STX1A: variants seen among roughly 807,000 people sequenced by gnomAD.
The protein encoded by STX1A is syntaxin-1A.
In STX1A, 4 loss-of-function variants were observed where a neutral mutation model predicts 37.8. The ratio of observed to expected loss-of-function variants is 0.11; its 90% CI spans 0.05 to 0.24. The LOEUF (loss-of-function observed/expected upper bound fraction) is 0.24, where lower values mean the gene tolerates loss of function less well. STX1A is among the 10% of genes least tolerant of loss of function. The pLI is 1.00. For synonymous variants in STX1A, 135 were observed against 147.4 expected (o/e 0.92, Z 0.61); for missense variants, 251 against 399.9 (o/e 0.63, Z 3.18).
chr7:73,717,834 C>T lies in STX1A; in HGVS notation c.30+1768G>A, dbSNP rs1463731584. On this transcript the variant is annotated intron_variant, in intron 1 of 9. Coordinates refer to ENST00000222812, the MANE Select transcript of STX1A (RefSeq NM_004603.4). This position sits in a 1 kb window ranked among gnomAD's most constrained non-coding sequence, Gnocchi z 4.1. ...CGCTTCACAACCCCAGCTCCACTGG[C>T]TGTCCCCCAGTGTCAGCCAGGCCTG... Among the ~76,000 whole-genome samples the T allele has an allele frequency of 6.6e-6, 1 of 152,200 alleles. No homozygotes were observed. Among genetic ancestry groups the T allele is most frequent in the Non-Finnish European group, 1.5e-5 (1 of 68,022 alleles).
chr7:73,700,104 A>C lies in STX1A; in HGVS notation c.*303T>G. 1 of 466,354 alleles carries C rather than the reference A, an allele frequency of 2.1e-6. No homozygotes were observed. Among genetic ancestry groups the C allele is most frequent in the Non-Finnish European group, 3.9e-6 (1 of 255,382 alleles). 28.9% of individuals were successfully genotyped at this position (466,354 alleles called of 1,614,324 possible). A position where few individuals can be genotyped will look rare whatever the true frequency, so the allele number is the denominator to read the frequency against. On this transcript the variant is annotated 3_prime_UTR_variant, in exon 10 of 10. Coordinates refer to ENST00000222812, the MANE Select transcript of STX1A (RefSeq NM_004603.4). This position sits in a 1 kb window ranked among gnomAD's most constrained non-coding sequence, Gnocchi z 4.4. ...TGGGCCCACCGAGTTACTGAAGGCA[A>C]GGAAGGGTGGCCTGTGTCACCCTGG... is the stretch of plus-strand genomic sequence containing the variant.
intron 1 of STX1A, chr7:73,711,316 T>C (rs1554617890): frequency 6.5e-6 from 1 of 152,906 alleles, no homozygotes; most frequent in Non-Finnish European, 1.5e-5. Flanking sequence ...GGCCTGAGCA[T>C]GTTCTGTGAG....
intron 3 of STX1A, among the ~76,000 whole-genome samples, chr7:73,707,974 A>C (rs1798938343): frequency 6.7e-6 from 1 of 150,070 alleles, no homozygotes; most frequent in African/African-American, 2.5e-5. Flanking sequence ...AAAAGGAAAA[A>C]AGCCAGTTCG....
At chr7:73,719,415 C>T (rs1350059735) in intron 1 of STX1A, among the ~76,000 whole-genome samples, 187 bp downstream of exon 1, 1 of 152,194 alleles carries the variant, frequency 6.6e-6, no homozygotes, top group Non-Finnish European at 1.5e-5. Flanking sequence ...GCGAGCCTGA[C>T]CCCGAGTGGG....
intron 2 of STX1A, 57 bp from the exon 3 acceptor site, chr7:73,708,745 G>A (rs1262496413): frequency 1.3e-6 from 2 of 1,558,924 alleles, no homozygotes; most frequent in Non-Finnish European, 8.8e-7. Flanking sequence ...GCCTTCTGGG[G>A]CCCAGAGATG....
chr7:73,708,592 C>T lies in STX1A; in HGVS notation c.205G>A (p.Glu69Lys), dbSNP rs782665420. 2.5e-6 allele frequency: 4 copies of T among 1,613,648 alleles called. No homozygotes were observed. The highest frequency in any genetic ancestry group is 1.7e-6 in the Non-Finnish European group (2 of 1,179,748). The part of the protein sequence containing the change: ...SAILASPNPD[E>K]KTKEELEELM... Reference sequence around the variant, plus strand: ...GTCCCCCGCCCCACACACTCACTCTCATCGGGGTTGGGGGATGCCAGGATG... The same window carrying T: ...GTCCCCCGCCCCACACACTCACTCTTATCGGGGTTGGGGGATGCCAGGATG... The change falls in exon 3 of 10, where the codon GAG becomes AAG. Residue 69 changes from glutamate to lysine, a missense_variant. Around this residue, in one of 2 missense-constraint regions of STX1A, gnomAD observed 214 missense variants for 367.6 expected, o/e 0.58. Coordinates refer to ENST00000222812, the MANE Select transcript of STX1A (RefSeq NM_004603.4).
chr7:73,708,617 G>A lies in STX1A; in HGVS notation c.180C>T (p.Ala60=). The stretch of plus-strand genomic sequence containing the variant: ...CATCGGGGTTGGGGGATGCCAGGAT[G>A]GCACTGTGCTTCCGCTTCACCTCCT... ...NVEEVKRKHS[A]ILASPNPDEK... Residue 60 remains alanine, a synonymous_variant, in exon 3 of 10, where the codon GCC becomes GCT. Coordinates refer to ENST00000222812, the MANE Select transcript of STX1A (RefSeq NM_004603.4). 6.2e-7 allele frequency: 1 copy of A among 1,614,132 alleles called. No homozygotes were observed. The highest frequency in any genetic ancestry group is 8.5e-7 in the Non-Finnish European group (1 of 1,180,004).
In STX1A at chr7:73,700,196, C is replaced by T; in HGVS notation, c.*211G>A. Reference sequence around the variant, plus strand: ...ACGCCCCGCTGGCTGCCTCCCTCTGCCTCTTCCCGTACAGACGCACACTCA... The same window carrying T: ...ACGCCCCGCTGGCTGCCTCCCTCTGTCTCTTCCCGTACAGACGCACACTCA... On this transcript the variant is annotated 3_prime_UTR_variant, in exon 10 of 10. Coordinates refer to ENST00000222812, the MANE Select transcript of STX1A (RefSeq NM_004603.4). The surrounding 1 kb of genome is among the most constrained non-coding windows in gnomAD (Gnocchi z 4.4). 3.3e-6 allele frequency: 2 copies of T among 610,402 alleles called. No homozygotes were observed. Among genetic ancestry groups the T allele is most frequent in the Non-Finnish European group, 5.8e-6 (2 of 343,668 alleles). 37.8% of individuals were successfully genotyped at this position (610,402 alleles called of 1,614,324 possible).
intron 5 of STX1A, 22 bp from the exon 6 acceptor site, chr7:73,704,278 G>A (rs1563570345): frequency 3.7e-5 from 60 of 1,613,798 alleles, no homozygotes; most frequent in Non-Finnish European, 5.0e-5. Context: ...AGATGGAGGT[G>A]CAGGGGTCAG....
In STX1A at chr7:73,714,829, A is replaced by C. The variant is rs576441638; in HGVS notation, c.30+4773T>G. Among the ~76,000 whole-genome samples the C allele has an allele frequency of 6.1e-4, 92 of 151,806 alleles. 2 individuals are homozygous for C. In the South Asian group the frequency reaches 0.019, roughly 31 times the overall value. On this transcript the variant is annotated intron_variant, in intron 1 of 9. Coordinates refer to ENST00000222812, the MANE Select transcript of STX1A (RefSeq NM_004603.4). ...GGATCCACCCCAAAGAGACTGAATC[A>C]GAATTTATAGGGGTAGCCGGGTGCA...
rs530234678 is a variant in STX1A, at chr7:73,706,414, C to T, written c.209-1190G>A. Among the ~76,000 whole-genome samples the T allele has an allele frequency of 8.4e-4, 128 of 152,246 alleles. No homozygotes were observed. Among genetic ancestry groups the T allele is most frequent in the African/African-American group, 2.9e-3 (119 of 41,546 alleles). On this transcript the variant is annotated intron_variant, in intron 3 of 9. Transcript: ENST00000222812. The surrounding 1 kb of genome is among the most constrained non-coding windows in gnomAD (Gnocchi z 4.6). ...CAGAGGAGGCAGAGCCTGCCTTGCC[C>T]GGGAGAGCCCCCCACTCATTGCCAT...
intron 1 of STX1A, among the ~76,000 whole-genome samples, chr7:73,718,504 G>A (rs1799370200): frequency 6.6e-6 from 1 of 152,090 alleles, no homozygotes; most frequent in South Asian, 2.1e-4. Flanking sequence ...CTAGCCCAGG[G>A]AGCGGGGTGG....
In STX1A at chr7:73,700,949, G is replaced by T; in HGVS notation, c.679-109C>A. 6.5e-7 allele frequency: 1 copy of T among 1,546,432 alleles called. No individual in the cohort carries two copies. The highest frequency in any genetic ancestry group is 8.7e-7 in the Non-Finnish European group (1 of 1,151,228). On this transcript the variant is annotated intron_variant, in intron 8 of 9. Transcript: ENST00000222812. This position sits in a 1 kb window ranked among gnomAD's most constrained non-coding sequence, Gnocchi z 4.4. ...CCCTGAGGCTAGAGACAAAAAGGGG[G>T]CGTGAGGAGGTTAGGGTACAGCTTC...
intron 7 of STX1A, 129 bp downstream of exon 7, chr7:73,703,626 T>C: frequency 3.6e-6 from 4 of 1,117,008 alleles, no homozygotes; most frequent in Non-Finnish European, 5.4e-6. Context: ...TCTCTGGGAC[T>C]CTTCCTTCCC....
chr7:73,700,108 A>C lies in STX1A; in HGVS notation c.*299T>G. 8.4e-6 allele frequency: 4 copies of C among 477,238 alleles called. No individual in the cohort carries two copies. Among genetic ancestry groups the C allele is most frequent in the African/African-American group, 2.0e-5 (1 of 51,182 alleles). The allele number at this position is 477,238 out of a possible 1,614,324, so 29.6% of individuals were successfully genotyped here. A position where few individuals can be genotyped will look rare whatever the true frequency, so the allele number is the denominator to read the frequency against. On this transcript the variant is annotated 3_prime_UTR_variant, in exon 10 of 10. Coordinates refer to ENST00000222812, the MANE Select transcript of STX1A (RefSeq NM_004603.4). This position sits in a 1 kb window ranked among gnomAD's most constrained non-coding sequence, Gnocchi z 4.4. ...CCCACCGAGTTACTGAAGGCAAGGA[A>C]GGGTGGCCTGTGTCACCCTGGCGGC...
intron 1 of STX1A, among the ~76,000 whole-genome samples, chr7:73,710,709 A>G (rs1799069702): frequency 1.3e-5 from 2 of 152,044 alleles, no homozygotes. Context: ...ACAGGCGTGA[A>G]CCACCACATC....
At chr7:73,716,035 G>A (rs1799277718) in intron 1 of STX1A, among the ~76,000 whole-genome samples, 1 of 152,190 alleles carries the variant, frequency 6.6e-6, no homozygotes, top group African/African-American at 2.4e-5. Context: ...GCCCCCACAG[G>A]CTGCATGACC....
intron 1 of STX1A, among the ~76,000 whole-genome samples, chr7:73,712,010 C>T (rs1311873321): frequency 2.0e-5 from 3 of 152,042 alleles, no homozygotes; most frequent in Non-Finnish European, 2.9e-5. Flanking sequence ...AGGAGAGATG[C>T]CCGCATCCTC....
chr7:73,716,319 G>A (rs781936127), intron 1 of STX1A, among the ~76,000 whole-genome samples: 1 of 152,240 alleles, frequency 6.6e-6, no homozygotes, highest in Non-Finnish European at 1.5e-5. Flanking sequence ...GGGAGATTAA[G>A]GATGAACCTG....
Sources: gnomAD v4.1 joint callset for allele counts (sites outside exome capture counted in the v4.1 genomes callset) on GRCh38, gnomAD v4.1.1 for gene constraint, gnomAD v4.1.1 regional missense constraint, Gnocchi (gnomAD v3.1) non-coding constraint, MANE v1.5 for transcripts, NCBI Gene and HGNC (gene_info 2026-07-23, HGNC 2026-07-21) for gene names.